Variants in AHDC1 observed in about 807,000 individuals in gnomAD.
The protein encoded by AHDC1 is AT-hook DNA binding motif containing 1.
In AHDC1, 7 loss-of-function variants were observed where a neutral mutation model predicts 87.9. The observed-to-expected ratio is 0.08, with a 90% CI of 0.05 to 0.15. AHDC1 has a LOEUF of 0.15. AHDC1 is among the 10% of genes least tolerant of loss of function. The probability of loss-of-function intolerance (pLI) is 1.00; values close to 1 mark genes in which losing one functional copy is unlikely to be tolerated. For synonymous variants in AHDC1, 1,051 were observed against 1,006.8 expected, an observed-to-expected ratio of 1.04 and a Z score of -0.83; for missense variants, 1,841 against 2,253.2, an observed-to-expected ratio of 0.82 and a Z score of 3.70.
intron 3 of AHDC1, among the ~76,000 whole-genome samples, chr1:27,575,906 GT>G (rs1468312034): frequency 1.4e-5 from 2 of 144,152 alleles, no homozygotes; most frequent in Non-Finnish European, 3.1e-5. Context: ...GGGGGGCGGG[GT>G]CACGTGGCGG....
rs750379065 is a variant in AHDC1, at chr1:27,548,974, C to A, written c.3142G>T (p.Gly1048Cys). ...FSSSEGAPFS[G>C]SAPTPLRCDS... Reference sequence around the variant, plus strand: ...CAGCGCAGGGGCGTGGGGGCTGAACCAGAGAAGGGGGCCCCCTCAGAGCTG... The same window carrying A: ...CAGCGCAGGGGCGTGGGGGCTGAACAAGAGAAGGGGGCCCCCTCAGAGCTG... Residue 1048 changes from glycine to cysteine, a missense_variant, in exon 8 of 9, where the codon GGT (glycine) becomes TGT (cysteine). This residue lies in a region of AHDC1 where 378 missense variants were observed against 399.0 expected (regional missense o/e 0.95). Coordinates refer to ENST00000673934, the MANE Select transcript of AHDC1 (RefSeq NM_001371928.1). 8.9e-6 allele frequency: 14 copies of A among 1,565,190 alleles called. No homozygotes were observed. In the South Asian group the frequency reaches 1.6e-4, roughly 18 times the overall value.
At chr1:27,536,277 C>A (rs997768440) in intron 8 of AHDC1, among the ~76,000 whole-genome samples, 3 of 152,256 alleles carry the variant, frequency 2.0e-5, no homozygotes, top group Non-Finnish European at 4.4e-5. Context: ...CAGGACTCCC[C>A]CAAGGTCCAG....
In AHDC1 at chr1:27,548,704, C is replaced by T; in HGVS notation, c.3412G>A (p.Glu1138Lys). ...GAGATGTCCAGGATCACGTTGGGCT[C>T]GCTGACGTGGCAGTCAAAACTGGGA... The part of the protein sequence containing the change: ...YNPSFDCHVS[E>K]PNVILDISNY... Residue 1138 changes from glutamate to lysine, a missense_variant, in exon 8 of 9, where the codon GAG becomes AAG. By Grantham distance (56) the Glu-to-Lys change is moderately conservative (BLOSUM62 1). Around this residue, in one of 13 missense-constraint regions of AHDC1, gnomAD observed 4 missense variants for 16.3 expected, o/e 0.25. Transcript: ENST00000673934. 2 of 1,613,354 alleles carry T rather than the reference C, an allele frequency of 1.2e-6. No homozygotes were observed. Among genetic ancestry groups the T allele is most frequent in the Non-Finnish European group, 1.7e-6 (2 of 1,180,042 alleles).
Position 27,548,288 on chromosome 1 carries a change from G to A in AHDC1, c.3828C>T (p.Gly1276=), listed in dbSNP as rs368691745. 15 of 1,606,924 alleles carry A rather than the reference G, an allele frequency of 9.3e-6. No homozygotes were observed. Among genetic ancestry groups the A allele is most frequent in the African/African-American group, 2.7e-5 (2 of 74,972 alleles). Reference sequence around the variant, plus strand: ...CCTTCTTGGCTGAGCAGGCCCCACCGCCCCGTCCACCTCGCGGCTGCCGGG... The same window carrying A: ...CCTTCTTGGCTGAGCAGGCCCCACCACCCCGTCCACCTCGCGGCTGCCGGG... ...TGPRQPRGGR[G]GGACSAKKER... is the part of the protein sequence containing the mutation. Residue 1276 remains glycine, a synonymous_variant, in exon 8 of 9, where the codon GGC becomes GGT. Coordinates refer to ENST00000673934, the MANE Select transcript of AHDC1 (RefSeq NM_001371928.1).
At position 27,548,900 on chromosome 1, in the gene AHDC1, C is replaced by T. The variant is rs756293382; in HGVS notation, c.3216G>A (p.Lys1072=). 6.2e-7 allele frequency: 1 copy of T among 1,608,738 alleles called. No homozygotes were observed. ...CAGAGGTGGCAGAGGCTGTGGTGCC[C>T]TTGGGTACCATGTAGCCACCGGGCG... ...TVSPGGYMVP[K]GTTASATSAA... Residue 1072 remains lysine (K), a synonymous_variant, in exon 8 of 9, where the codon AAG becomes AAA. Coordinates refer to ENST00000673934, the MANE Select transcript of AHDC1 (RefSeq NM_001371928.1).
At chr1:27,569,305 G>A (rs2020467053) in intron 3 of AHDC1, among the ~76,000 whole-genome samples, 1 of 152,122 alleles carries the variant, frequency 6.6e-6, no homozygotes, top group Admixed American at 6.5e-5. Context: ...CTTACTCTGT[G>A]CCAATCCTCA....
In AHDC1 at chr1:27,551,979, C is replaced by T; in HGVS notation, c.137G>A (p.Ser46Asn). Reference sequence around the variant, plus strand: ...GGTGGAGAAGGCCTTGTCAGGTGGGCTGGCAGGGGGCCGGGTGGGAAGCAG... The same window carrying T: ...GGTGGAGAAGGCCTTGTCAGGTGGGTTGGCAGGGGGCCGGGTGGGAAGCAG... ...RPLLPTRPPA[S>N]PPDKAFSTHA... Residue 46 changes from serine to asparagine, a missense_variant, in exon 8 of 9, where the codon AGC becomes AAC. Physicochemically the swap from Ser to Asn is conservative, Grantham distance 46. This residue lies in a region of AHDC1 where 142 missense variants were observed against 165.6 expected (regional missense o/e 0.86). Transcript: ENST00000673934. The T allele has an allele frequency of 1.1e-6, 1 of 904,422 alleles. No homozygotes were observed. The highest frequency in any genetic ancestry group is 1.3e-6 in the Non-Finnish European group (1 of 771,214). The allele number at this position is 904,422 out of a possible 1,614,324, so 56.0% of individuals were successfully genotyped here.
At chr1:27,564,522 T>C (rs1329743688) in intron 3 of AHDC1, among the ~76,000 whole-genome samples, 1 of 152,094 alleles carries the variant, frequency 6.6e-6, no homozygotes, top group African/African-American at 2.4e-5. Context: ...AGCTTCTGAT[T>C]GAAGAGAGGG....
chr1:27,568,732 C>G (rs1354950861), intron 3 of AHDC1, among the ~76,000 whole-genome samples: 1 of 151,738 alleles, frequency 6.6e-6, no homozygotes, highest in African/African-American at 2.4e-5. Context: ...GGGGGCGCTC[C>G]GCTCGCTGCG....
intron 3 of AHDC1, among the ~76,000 whole-genome samples, chr1:27,596,983 G>A (rs1398266523): frequency 6.6e-6 from 1 of 152,182 alleles, no homozygotes; most frequent in Non-Finnish European, 1.5e-5. Flanking sequence ...GCAAGCACAT[G>A]TTTATACACA....
At position 27,561,833 on chromosome 1, in the gene AHDC1, C is replaced by A. The variant is rs150892151; in HGVS notation, c.-628-2950G>T. Among the ~76,000 whole-genome samples the A allele has an allele frequency of 6.6e-6, 1 of 151,820 alleles. No individual in the cohort carries two copies. Among genetic ancestry groups the A allele is most frequent in the Non-Finnish European group, 1.5e-5 (1 of 67,964 alleles). ...AAAGACAGAAACTGGAAGACGGGCA[C>A]GCACAAACACAAAAGCAGAGACGGA... On this transcript the variant is annotated intron_variant, in intron 3 of 8. Coordinates refer to ENST00000673934, the MANE Select transcript of AHDC1 (RefSeq NM_001371928.1). The surrounding 1 kb of genome is among the most constrained non-coding windows in gnomAD (Gnocchi z 4.2).
chr1:27,542,449 G>A (rs2018971526), intron 8 of AHDC1, among the ~76,000 whole-genome samples: 1 of 152,248 alleles, frequency 6.6e-6, no homozygotes, highest in Admixed American at 6.5e-5. Flanking sequence ...AAGAGGCGAG[G>A]GTTGGAGGTG....
intron 3 of AHDC1, among the ~76,000 whole-genome samples, chr1:27,601,204 G>A (rs143560589): frequency 6.2e-4 from 95 of 152,324 alleles, no homozygotes; most frequent in Middle Eastern, 6.8e-3. Flanking sequence ...CAAAAGTAAC[G>A]GCATTAAAAA....
chr1:27,600,194 G>C (rs1290241878), intron 3 of AHDC1, among the ~76,000 whole-genome samples: 2 of 151,608 alleles, frequency 1.3e-5, no homozygotes, highest in Non-Finnish European at 2.9e-5. Context: ...CCCCTCCCTG[G>C]GGGGGGCCCA....
intron 3 of AHDC1, among the ~76,000 whole-genome samples, chr1:27,559,960 G>A (rs2019994812): frequency 6.6e-6 from 1 of 152,204 alleles, no homozygotes; most frequent in Non-Finnish European, 1.5e-5. Context: ...AAATATACCT[G>A]TATGTGGGTT....
Position 27,551,714 on chromosome 1 carries a change from G to A in AHDC1, c.402C>T (p.Leu134=). The change falls in exon 8 of 9, where the codon CTC becomes CTT. Residue 134 remains leucine, a synonymous_variant. Coordinates refer to ENST00000673934, the MANE Select transcript of AHDC1 (RefSeq NM_001371928.1). ...CACCACTGTGCTGCAGGTCCTGGGA[G>A]AGGCGTGTCAGGTCCTTCATGATGT... ...LIDIMKDLTR[L]SQDLQHSGVH... is the part of the protein sequence containing the mutation. 6.2e-7 allele frequency: 1 copy of A among 1,613,822 alleles called. No homozygotes were observed. The highest frequency in any genetic ancestry group is 1.1e-5 in the South Asian group (1 of 91,076).
rs1184889337 is a variant in AHDC1, at chr1:27,558,955, G to C, written c.-628-72C>G. 7.5e-6 allele frequency: 3 copies of C among 398,380 alleles called. No homozygotes were observed. The highest frequency in any genetic ancestry group is 4.4e-5 in the Admixed American group (1 of 22,710). The allele number at this position is 398,380 out of a possible 1,614,324, so 24.7% of individuals were successfully genotyped here. On this transcript the variant is annotated intron_variant, in intron 3 of 8. Coordinates refer to ENST00000673934, the MANE Select transcript of AHDC1 (RefSeq NM_001371928.1). The surrounding 1 kb of genome is among the most constrained non-coding windows in gnomAD (Gnocchi z 5.6). The stretch of plus-strand genomic sequence containing the variant: ...TAAGCCAGCCAGACAGCAGGGTGCA[G>C]GCGGACACTGAGCCAGGAAGCTCTC...
rs972227126 is a variant in AHDC1 at position 27,598,429 on chromosome 1, T to C, written c.-629+4968A>G. ...CCCACCTTCCTCATCCCCTGGCCAATGGAAGAGATGCTGGGATCCAGGAGG... is the reference window on the plus strand; with the variant it reads ...CCCACCTTCCTCATCCCCTGGCCAACGGAAGAGATGCTGGGATCCAGGAGG... On this transcript the variant is annotated intron_variant, in intron 3 of 8. Coordinates refer to ENST00000673934, the MANE Select transcript of AHDC1 (RefSeq NM_001371928.1). This position sits in a 1 kb window ranked among gnomAD's most constrained non-coding sequence, Gnocchi z 4.2. Among the ~76,000 whole-genome samples the C allele has an allele frequency of 6.6e-6, 1 of 152,040 alleles. No homozygotes were observed. Among genetic ancestry groups the C allele is most frequent in the African/African-American group, 2.4e-5 (1 of 41,402 alleles).
chr1:27,604,145 G>T, upstream of AHDC1: 1 of 156,806 alleles, frequency 6.4e-6, no homozygotes, highest in South Asian at 1.8e-4. Flanking sequence ...CGCTGCCTCT[G>T]CGAGCTCGCC....
Sources: allele counts gnomAD v4.1 joint callset (sites outside exome capture counted in the v4.1 genomes callset), GRCh38; gene constraint gnomAD v4.1.1; regional missense constraint gnomAD v4.1.1; non-coding constraint Gnocchi (gnomAD v3.1); transcripts MANE v1.5; gene names NCBI Gene and HGNC (gene_info 2026-07-23, HGNC 2026-07-21).